Variants in TANC2 observed in about 807,000 individuals in gnomAD.
TANC2 encodes protein TANC2.
In TANC2, 26 loss-of-function variants were observed where a neutral mutation model predicts 210.5. The observed-to-expected ratio is 0.12, with a 90% CI of 0.09 to 0.17. TANC2 has a LOEUF of 0.17. Among genes scored for constraint, TANC2 ranks in the 10% least tolerant of loss-of-function variants. TANC2 has a pLI of 1.00. For synonymous variants in TANC2, 931 were observed against 967.1 expected, an observed-to-expected ratio of 0.96 and a Z score of 0.69; for missense variants, 2,129 against 2,608.9, an observed-to-expected ratio of 0.82 and a Z score of 4.01.
intron 2 of TANC2, among the ~76,000 whole-genome samples, chr17:63,045,454 C>T (rs962988825): frequency 4.6e-5 from 7 of 152,054 alleles, no homozygotes; most frequent in African/African-American, 7.2e-5. Context: ...TTTTATACTA[C>T]GTGTTATTTC....
Position 63,240,849 on chromosome 17 carries a change from T to G in TANC2, c.1033+2772T>G, listed in dbSNP as rs191728158. Among the ~76,000 whole-genome samples the G allele has an allele frequency of 3.1e-3, 471 of 152,300 alleles. 1 individual carries two copies. The highest frequency in any genetic ancestry group is 0.01 in the African/African-American group (427 of 41,560). ...CATCTCCCAGCCACAAGTAATTGCT[T>G]CTTCTTCTAGAAAGCATTCTCTTTT... is the stretch of plus-strand genomic sequence containing the variant. On this transcript the variant is annotated intron_variant, in intron 8 of 27. Coordinates refer to ENST00000689528, the Ensembl canonical transcript of TANC2.
intron 5 of TANC2, among the ~76,000 whole-genome samples, chr17:63,161,484 T>G (rs1207736324): frequency 6.6e-6 from 1 of 152,346 alleles, no homozygotes; most frequent in East Asian, 1.9e-4. Flanking sequence ...CTCATTTTAT[T>G]TAACTTACCT....
At chr17:63,055,986 AAAAAATATATAT>A (rs1254594845) in intron 2 of TANC2, among the ~76,000 whole-genome samples, 14 of 11,196 alleles carry the variant, frequency 1.3e-3, no homozygotes, top group Admixed American at 6.6e-3. Context: ...AAAAAAAAAA[AAAAAATATATAT>A]ATATATATAT....
In TANC2 at chr17:63,109,725, C is replaced by G. The variant is rs1394265940; in HGVS notation, c.322+10368C>G. Among the ~76,000 whole-genome samples, 3 of 151,726 alleles carry G rather than the reference C, an allele frequency of 2.0e-5. 1 individual carries two copies. Among genetic ancestry groups the G allele is most frequent in the African/African-American group, 7.3e-5 (3 of 41,006 alleles). On this transcript the variant is annotated intron_variant, in intron 4 of 27. Coordinates refer to ENST00000689528, the Ensembl canonical transcript of TANC2. ...AAACTTAGTGGATAGTCAACAGTCT[C>G]TGTGTGAACACTTTCAGTGATAGTG...
chr17:63,182,580 A>T (rs1357492578), intron 5 of TANC2: 1 of 217,934 alleles, frequency 4.6e-6, no homozygotes, highest in Non-Finnish European at 9.6e-6. Flanking sequence ...GCAGAAGCTG[A>T]GGAACAGTCA....
intron 2 of TANC2, among the ~76,000 whole-genome samples, chr17:63,048,462 C>G (rs779577639): frequency 6.6e-6 from 1 of 152,104 alleles, no homozygotes; most frequent in Non-Finnish European, 1.5e-5. Flanking sequence ...TTTAATCCAT[C>G]TTGATTTGAT....
intron 11 of TANC2, among the ~76,000 whole-genome samples, chr17:63,323,817 C>G (rs1157117284): frequency 1.3e-5 from 2 of 152,080 alleles, no homozygotes; most frequent in Admixed American, 1.3e-4. Flanking sequence ...AGTCAGTATC[C>G]TCCCCTGTAA....
chr17:63,341,982 C>T (rs981369090), intron 12 of TANC2, among the ~76,000 whole-genome samples: 1 of 152,036 alleles, frequency 6.6e-6, no homozygotes, highest in Admixed American at 6.6e-5. Context: ...ATTTTCCCAC[C>T]TCCATATATT....
At chr17:63,414,392 C>G (rs1023473920) in intron 25 of TANC2, 1 of 152,198 alleles carries the variant, frequency 6.6e-6, no homozygotes, top group Non-Finnish European at 1.5e-5. Context: ...GAGCAGAATT[C>G]TATCTTCTAA....
At chr17:63,174,637 A>C (rs778685475) in intron 5 of TANC2, among the ~76,000 whole-genome samples, 1 of 152,152 alleles carries the variant, frequency 6.6e-6, no homozygotes, top group Non-Finnish European at 1.5e-5. Flanking sequence ...AAATGCGGAG[A>C]TTCCCCTCTC....
chr17:63,282,724 TCTA>T (rs767065588), intron 9 of TANC2, among the ~76,000 whole-genome samples: 1 of 152,248 alleles, frequency 6.6e-6, no homozygotes, highest in East Asian at 1.9e-4. Context: ...CTTTTGATAT[TCTA>T]CTACTATGTA....
chr17:63,344,180 A>G (rs780958906), intron 12 of TANC2, among the ~76,000 whole-genome samples: 2 of 152,184 alleles, frequency 1.3e-5, no homozygotes, highest in African/African-American at 4.8e-5. Context: ...CTATGCGTGC[A>G]AGGGATCTAG....
At chr17:63,320,757 G>T (rs1364982573) in intron 11 of TANC2, among the ~76,000 whole-genome samples, 1 of 151,904 alleles carries the variant, frequency 6.6e-6, no homozygotes, top group Non-Finnish European at 1.5e-5. Context: ...TATCACCATT[G>T]TTCTTGAGTC....
chr17:63,157,752 A>T (rs190439065), intron 5 of TANC2, among the ~76,000 whole-genome samples: 18 of 152,018 alleles, frequency 1.2e-4, no homozygotes, highest in Non-Finnish European at 4.4e-5. Flanking sequence ...AATATAAAAT[A>T]TATTTATTTA....
chr17:63,415,639 C>T (rs2147376363), exon 26 of TANC2: 1 of 1,613,854 alleles, frequency 6.2e-7, no homozygotes. Context: ...GGTGTCTCTC[C>T]TCCTCAACCT....
At chr17:62,984,222 A>T (rs993360740) in intron 1 of TANC2, among the ~76,000 whole-genome samples, 1 of 152,086 alleles carries the variant, frequency 6.6e-6, no homozygotes, top group African/African-American at 2.4e-5. Flanking sequence ...GTATGTCTCC[A>T]GGAATTTATC....
intron 2 of TANC2, among the ~76,000 whole-genome samples, chr17:63,043,999 C>T (rs1265830215): frequency 6.6e-6 from 1 of 152,154 alleles, no homozygotes; most frequent in Admixed American, 6.5e-5. Context: ...ATTCTCATTT[C>T]TTCAGAATCT....
Position 63,383,810 on chromosome 17 carries a change from TTTTGC to T in TANC2, c.2691+3985_2691+3989del, listed in dbSNP as rs1326014429. On this transcript the variant is annotated intron_variant, in intron 15 of 27. Transcript: ENST00000689528. ...ACTAGTTTCCAAAGTGGCTGTGCCA[TTTTGC>T]ATTCCCACCGGCAGCGACTGATCAG... Among the ~76,000 whole-genome samples the T allele has an allele frequency of 3.3e-5, 5 of 152,166 alleles. No homozygotes were observed. The East Asian group carries it at 9.6e-4, about 29-fold the overall frequency.
intron 8 of TANC2, among the ~76,000 whole-genome samples, chr17:63,250,332 C>G (rs997512808): frequency 1.1e-4 from 17 of 151,928 alleles, no homozygotes; most frequent in African/African-American, 4.8e-5. Flanking sequence ...GAGGCAGGGT[C>G]TCACAGTGTT....
Sources: gnomAD v4.1 joint callset for allele counts (sites outside exome capture counted in the v4.1 genomes callset) on GRCh38, gnomAD v4.1.1 for gene constraint, MANE v1.5 for transcripts, NCBI Gene and HGNC (gene_info 2026-07-23, HGNC 2026-07-21) for gene names.